MAN1C1: variants seen among roughly 807,000 people sequenced by gnomAD.
The protein encoded by MAN1C1 is mannosyl-oligosaccharide 1,2-alpha-mannosidase IC.
MAN1C1 carries 49 observed loss-of-function variants against 71.5 expected under a neutral mutation model. The observed-to-expected ratio is 0.69, with a 90% CI of 0.54 to 0.87. The LOEUF (loss-of-function observed/expected upper bound fraction) is 0.87, where lower values mean the gene tolerates loss of function less well. Among genes scored for constraint, MAN1C1 ranks in the 40% least tolerant of loss-of-function variants. The probability of loss-of-function intolerance (pLI) is 0.00; values close to 1 mark genes in which losing one functional copy is unlikely to be tolerated. For synonymous variants in MAN1C1, 352 were observed against 343.7 expected (o/e 1.02, Z -0.27); for missense variants, 743 against 835.0 (o/e 0.89, Z 1.36).
chr1:25,700,918 G>A (rs890627016), intron 2 of MAN1C1, among the ~76,000 whole-genome samples: 5 of 152,226 alleles, frequency 3.3e-5, no homozygotes, highest in Non-Finnish European at 5.9e-5. Flanking sequence ...TGGGGCATTC[G>A]GCACCAGCCA....
At chr1:25,708,315 A>G (rs1288596929) in intron 2 of MAN1C1, among the ~76,000 whole-genome samples, 3 of 152,080 alleles carry the variant, frequency 2.0e-5, no homozygotes, top group Non-Finnish European at 4.4e-5. Context: ...GGCATTTATA[A>G]ATAGTCATGG....
Position 25,617,947 on chromosome 1 carries a change from G to A in MAN1C1, c.150G>A (p.Lys50=), listed in dbSNP as rs2045131688. The change falls in exon 1 of 12, where the codon AAG becomes AAA. Residue 50 remains lysine, a synonymous_variant. Coordinates refer to ENST00000374332, the MANE Select transcript of MAN1C1 (RefSeq NM_020379.4). This position sits in a 1 kb window ranked among gnomAD's most constrained non-coding sequence, Gnocchi z 5.1. ...TGCTGCCCCACTCCTCTCGCCTCAA[G>A]CGCCTCTTCCTGGCCCCCCGGACCC... is the stretch of plus-strand genomic sequence containing the variant. ...LFLLPHSSRL[K]RLFLAPRTQQ... is the part of the protein sequence containing the mutation. 3 of 1,608,344 alleles carry A rather than the reference G, an allele frequency of 1.9e-6. No homozygotes were observed. The highest frequency in any genetic ancestry group is 2.5e-6 in the Non-Finnish European group (3 of 1,178,060).
At chr1:25,618,445 G>A (rs1396507072) in intron 1 of MAN1C1, 108 bp downstream of exon 1, 2 of 1,115,876 alleles carry the variant, frequency 1.8e-6, no homozygotes, top group Admixed American at 2.8e-5. Flanking sequence ...CTGGTCCCAG[G>A]TCTACTTCTG....
At chr1:25,712,378 G>T (rs112494368) in intron 2 of MAN1C1, among the ~76,000 whole-genome samples, 31 of 152,334 alleles carry the variant, frequency 2.0e-4, no homozygotes, top group African/African-American at 7.2e-4. Context: ...CTCAGGGAGG[G>T]TCTGGAGAGG....
intron 4 of MAN1C1, among the ~76,000 whole-genome samples, chr1:25,750,030 GTCAGGAAACCTGGCCC>G (rs1422213889): frequency 2.6e-5 from 4 of 152,166 alleles, no homozygotes; most frequent in African/African-American, 9.7e-5. Context: ...AGCTGGTGCG[GTCAGGAAACCTGGCCC>G]TCACTCCACA....
intron 2 of MAN1C1, among the ~76,000 whole-genome samples, chr1:25,707,443 A>T (rs2046539440): frequency 6.6e-6 from 1 of 152,228 alleles, no homozygotes; most frequent in South Asian, 2.1e-4. Context: ...CCTCTGAAGT[A>T]ACTTGATCTG....
chr1:25,714,192 G>A (rs911887352), intron 2 of MAN1C1, among the ~76,000 whole-genome samples: 2 of 152,096 alleles, frequency 1.3e-5, no homozygotes, highest in Non-Finnish European at 2.9e-5. Flanking sequence ...GTGTCTCTTC[G>A]GTACAAATTG....
At chr1:25,722,332 G>A (rs2046777623) in intron 2 of MAN1C1, among the ~76,000 whole-genome samples, 1 of 152,056 alleles carries the variant, frequency 6.6e-6, no homozygotes, top group African/African-American at 2.4e-5. Flanking sequence ...TCAGTTCTGG[G>A]ACACCTTGAA....
At chr1:25,651,005 G>T (rs1187650033) in intron 1 of MAN1C1, among the ~76,000 whole-genome samples, 1 of 152,084 alleles carries the variant, frequency 6.6e-6, no homozygotes, top group Admixed American at 6.5e-5. Context: ...CCTCCAAGGA[G>T]ACCTGGAGGG....
At chr1:25,671,755 G>A (rs2045995397) in intron 1 of MAN1C1, among the ~76,000 whole-genome samples, 1 of 152,332 alleles carries the variant, frequency 6.6e-6, no homozygotes, top group African/African-American at 2.4e-5. Context: ...CAGTGACTTA[G>A]AACACAAATT....
chr1:25,739,828 CACCA>C (rs1399203805), intron 2 of MAN1C1, among the ~76,000 whole-genome samples: 2 of 152,170 alleles, frequency 1.3e-5, no homozygotes, highest in African/African-American at 4.8e-5. Flanking sequence ...TGGACGTAGT[CACCA>C]CAGACGCCCA....
At chr1:25,734,276 G>A (rs2046951462) in intron 2 of MAN1C1, among the ~76,000 whole-genome samples, 2 of 151,956 alleles carry the variant, frequency 1.3e-5, no homozygotes, top group Admixed American at 6.5e-5. Flanking sequence ...CTACAGGTGT[G>A]CACCACCATG....
chr1:25,649,929 T>G (rs753063521), intron 1 of MAN1C1, among the ~76,000 whole-genome samples: 1 of 152,210 alleles, frequency 6.6e-6, no homozygotes, highest in Non-Finnish European at 1.5e-5. Context: ...TGAGCCACCG[T>G]GCCCGGCCTG....
At chr1:25,700,505 T>G (rs554877178) in intron 2 of MAN1C1, among the ~76,000 whole-genome samples, 2 of 152,248 alleles carry the variant, frequency 1.3e-5, no homozygotes, top group South Asian at 4.2e-4. Flanking sequence ...GGAGCAGAGT[T>G]GGGCAGAGGA....
At chr1:25,762,178 G>A (rs536487104) in intron 6 of MAN1C1, among the ~76,000 whole-genome samples, 53 of 142,900 alleles carry the variant, frequency 3.7e-4, no homozygotes, top group African/African-American at 1.4e-3. Context: ...CCAGGCTAAA[G>A]TGGAGTGGCA....
intron 6 of MAN1C1, 33 bp from the exon 7 acceptor site, chr1:25,763,841 A>C: frequency 1.3e-6 from 2 of 1,589,174 alleles, no homozygotes; most frequent in South Asian, 2.2e-5. Context: ...CTTCGGAAGC[A>C]TGAAGGCTCA....
At chr1:25,620,431 A>G (rs374216507) in intron 1 of MAN1C1, among the ~76,000 whole-genome samples, 16 of 146,290 alleles carry the variant, frequency 1.1e-4, no homozygotes, top group African/African-American at 4.4e-4. Context: ...CGCTCTCACG[A>G]CAACCTGAAA....
chr1:25,618,338 G>GTATGA lies in MAN1C1; in HGVS notation c.540+5_540+6insATATG. ...AGCCCAGCGGGAGAAAATCAAGGAG[G>GTATGA]TATGGACTCAGCCCCCAAACTCCTC... On this transcript the variant is annotated splice_donor_variant, in intron 1 of 11. Coordinates refer to ENST00000374332, the MANE Select transcript of MAN1C1 (RefSeq NM_020379.4). LOFTEE classifies it high-confidence loss of function. 1.3e-6 allele frequency: 2 copies of GTATGA among 1,595,940 alleles called. No individual in the cohort carries two copies. Among genetic ancestry groups the GTATGA allele is most frequent in the Non-Finnish European group, 1.7e-6 (2 of 1,173,804 alleles).
At chr1:25,727,652 T>C (rs1217645615) in intron 2 of MAN1C1, among the ~76,000 whole-genome samples, 1 of 152,210 alleles carries the variant, frequency 6.6e-6, no homozygotes, top group East Asian at 1.9e-4. Flanking sequence ...GCTCTTCACA[T>C]CCTGTGTTGC....
Sources: gnomAD v4.1 joint callset for allele counts (sites outside exome capture counted in the v4.1 genomes callset) on GRCh38, gnomAD v4.1.1 for gene constraint, Gnocchi (gnomAD v3.1) non-coding constraint, MANE v1.5 for transcripts, NCBI Gene and HGNC (gene_info 2026-07-23, HGNC 2026-07-21) for gene names.